CDH7: variants seen among roughly 807,000 people sequenced by gnomAD.
CDH7 encodes the protein cadherin-7.
In CDH7, 25 loss-of-function variants were observed where a neutral mutation model predicts 71.8. The observed-to-expected ratio is 0.35, with a 90% CI of 0.25 to 0.49. The LOEUF (loss-of-function observed/expected upper bound fraction) is 0.49. Among genes scored for constraint, CDH7 ranks in the 20% least tolerant of loss-of-function variants. The pLI is 0.99. For synonymous variants in CDH7, 381 were observed against 363.8 expected, an observed-to-expected ratio of 1.05 and a Z score of -0.54; for missense variants, 862 against 974.6, an observed-to-expected ratio of 0.88 and a Z score of 1.54.
chr18:65,868,407 G>C (rs1913830381), intron 11 of CDH7, among the ~76,000 whole-genome samples: 1 of 152,182 alleles, frequency 6.6e-6, no homozygotes, highest in Non-Finnish European at 1.5e-5. Context: ...GAATGAACAA[G>C]TGTCAGAGTC....
chr18:65,864,737 A>C (rs1232574844), intron 11 of CDH7, among the ~76,000 whole-genome samples: 1 of 151,528 alleles, frequency 6.6e-6, no homozygotes, highest in Non-Finnish European at 1.5e-5. Context: ...AAATACAAAA[A>C]AAAATTAGCC....
chr18:65,844,174 G>GATATATATAT lies in CDH7; in HGVS notation c.1235+114_1235+123dup, dbSNP rs1555688432. On this transcript the variant is annotated intron_variant, in intron 7 of 11. Transcript: ENST00000397968. ...CTTTGTTCATAACAAATAAAAACCA[G>GATATATATAT]ATATATATATATATCGAGTTATAAC... The GATATATATAT allele has an allele frequency of 7.5e-4, 171 of 227,978 alleles. 14 individuals carry two copies. Among genetic ancestry groups the GATATATATAT allele is most frequent in the African/African-American group, 3.5e-3 (113 of 32,752 alleles). The allele number at this position is 227,978 out of a possible 1,614,324, so 14.1% of individuals were successfully genotyped here.
Position 65,786,908 on chromosome 18 carries a change from C to T in CDH7, c.211-22796C>T, listed in dbSNP as rs529325740. 4.8e-3 allele frequency among the ~76,000 whole-genome samples: 733 copies of T among 152,148 alleles called. 7 individuals carry two copies. The highest frequency in any genetic ancestry group is 0.017 in the African/African-American group (701 of 41,522). On this transcript the variant is annotated intron_variant, in intron 2 of 11. Coordinates refer to ENST00000397968, the MANE Select transcript of CDH7 (RefSeq NM_004361.5). ...CTTGGTATGTTGCCCAGGCTGGTCT[C>T]GAACTCCTGGCATCAAATGATCCTC...
At chr18:65,861,369 T>A (rs2144035575) in intron 10 of CDH7, among the ~76,000 whole-genome samples, 1 of 144,870 alleles carries the variant, frequency 6.9e-6, no homozygotes, top group East Asian at 2.0e-4. Context: ...GTGATTTTGG[T>A]ATCAGTCATG....
At chr18:65,846,831 A>G (rs1387770327) in intron 7 of CDH7, among the ~76,000 whole-genome samples, 1 of 152,198 alleles carries the variant, frequency 6.6e-6, no homozygotes, top group Non-Finnish European at 1.5e-5. Flanking sequence ...TGATTGAATA[A>G]GAGCGAGAAA....
intron 11 of CDH7, among the ~76,000 whole-genome samples, chr18:65,878,996 A>G (rs926852897): frequency 1.3e-5 from 2 of 152,208 alleles, no homozygotes; most frequent in Non-Finnish European, 2.9e-5. Context: ...GTTTTTCATC[A>G]GTCACATTCC....
At chr18:65,752,463 T>A (rs1464075737) in intron 1 of CDH7, among the ~76,000 whole-genome samples, 3 of 152,328 alleles carry the variant, frequency 2.0e-5, no homozygotes, top group South Asian at 2.1e-4. Flanking sequence ...AGAAAAAAAA[T>A]TAATTACATT....
chr18:65,869,346 G>A (rs556639090), intron 11 of CDH7, among the ~76,000 whole-genome samples: 2 of 151,670 alleles, frequency 1.3e-5, no homozygotes, highest in Non-Finnish European at 2.9e-5. Context: ...GCTTAAAATC[G>A]TATTTTCATG....
In CDH7 at chr18:65,800,475, G is replaced by C. The variant is rs555285484; in HGVS notation, c.211-9229G>C. On this transcript the variant is annotated intron_variant, in intron 2 of 11. Transcript: ENST00000397968. ...AAAAACCGGTTTGTGTGCTGGTGGT[G>C]TTTCTGACCTGGAGTGCTGGTTGAA... is the stretch of plus-strand genomic sequence containing the variant. 2.0e-5 allele frequency among the ~76,000 whole-genome samples: 3 copies of C among 152,252 alleles called. No homozygotes were observed. The South Asian group carries it at 6.2e-4, about 32-fold the overall frequency.
rs749017561 is a variant in CDH7, at chr18:65,882,083, G to A, written c.*1189G>A. 1 of 152,094 alleles carries A rather than the reference G, an allele frequency of 6.6e-6. No homozygotes were observed. The highest frequency in any genetic ancestry group is 1.5e-5 in the Non-Finnish European group (1 of 67,992). 9.4% of individuals were successfully genotyped at this position (152,094 alleles called of 1,614,324 possible). ...ACCTTTCTTGCTGCAAACCTATTGA[G>A]TAAAATATTGAGTTTTTAAAAGTCT... On this transcript the variant is annotated 3_prime_UTR_variant, in exon 12 of 12. Coordinates refer to ENST00000397968, the MANE Select transcript of CDH7 (RefSeq NM_004361.5).
At chr18:65,779,095 G>GAA in intron 2 of CDH7, among the ~76,000 whole-genome samples, 1 of 150,436 alleles carries the variant, frequency 6.6e-6, no homozygotes, top group East Asian at 1.9e-4. Flanking sequence ...TTTTTTAATG[G>GAA]AAAAAATGAG....
At chr18:65,758,535 A>G (rs1186615239) in intron 1 of CDH7, among the ~76,000 whole-genome samples, 1 of 152,224 alleles carries the variant, frequency 6.6e-6, no homozygotes, top group Admixed American at 6.5e-5. Flanking sequence ...TTCCAAGTGC[A>G]TTCCACAAAG....
intron 11 of CDH7, among the ~76,000 whole-genome samples, chr18:65,864,868 A>T (rs2144043131): frequency 7.3e-6 from 1 of 137,102 alleles, no homozygotes; most frequent in East Asian, 2.4e-4. Context: ...TCCAGCCTGG[A>T]TGACAGAGCG....
At chr18:65,864,254 A>G (rs1377463440) in intron 11 of CDH7, 3 of 152,164 alleles carry the variant, frequency 2.0e-5, no homozygotes, top group Non-Finnish European at 4.4e-5. Flanking sequence ...ATTGGTCTAG[A>G]AGCTTCTAAA....
intron 6 of CDH7, among the ~76,000 whole-genome samples, chr18:65,840,576 C>A (rs1049319512): frequency 1.3e-5 from 2 of 152,086 alleles, no homozygotes; most frequent in Non-Finnish European, 2.9e-5. Flanking sequence ...GGTTTCCCCC[C>A]ATACTGCTCT....
intron 1 of CDH7, among the ~76,000 whole-genome samples, chr18:65,756,480 T>G (rs958583067): frequency 3.9e-5 from 6 of 152,222 alleles, no homozygotes; most frequent in Admixed American, 3.9e-4. Flanking sequence ...ACTATACCAG[T>G]TTTTAAAAGA....
At chr18:65,846,998 A>G (rs1912955827) in intron 7 of CDH7, among the ~76,000 whole-genome samples, 2 of 144,752 alleles carry the variant, frequency 1.4e-5, no homozygotes, top group Admixed American at 7.4e-5. Context: ...ATGCAACCAT[A>G]TTGACAATCT....
intron 2 of CDH7, among the ~76,000 whole-genome samples, chr18:65,804,759 A>G (rs530157356): frequency 6.6e-5 from 10 of 151,620 alleles, no homozygotes; most frequent in African/African-American, 2.2e-4. Context: ...AGAGAGAACT[A>G]CTGTATAAAA....
At chr18:65,877,599 C>T (rs1196133572) in intron 11 of CDH7, among the ~76,000 whole-genome samples, 1 of 152,042 alleles carries the variant, frequency 6.6e-6, no homozygotes, top group Non-Finnish European at 1.5e-5. Flanking sequence ...CATTTCTCCT[C>T]CTTAATTATG....
Sources: allele counts gnomAD v4.1 joint callset (sites outside exome capture counted in the v4.1 genomes callset), GRCh38; gene constraint gnomAD v4.1.1; transcripts MANE v1.5; gene names NCBI Gene and HGNC (gene_info 2026-07-23, HGNC 2026-07-21).